The following ADGRB1 variants were observed in gnomAD, a reference collection of about 807,000 sequenced individuals.
ADGRB1 encodes brain-specific angiogenesis inhibitor 1.
In ADGRB1, 36 loss-of-function variants were observed where a neutral mutation model predicts 175.7. The ratio of observed to expected loss-of-function variants is 0.20; its 90% CI spans 0.16 to 0.27. The LOEUF (loss-of-function observed/expected upper bound fraction) is 0.27, where lower values mean the gene tolerates loss of function less well. Among genes scored for constraint, ADGRB1 ranks in the 10% least tolerant of loss-of-function variants. ADGRB1 has a pLI of 1.00. For synonymous variants in ADGRB1, 1,054 were observed against 979.4 expected (o/e 1.08, Z -1.42); for missense variants, 1,731 against 2,255.3 (o/e 0.77, Z 4.71).
At chr8:142,487,768 C>G (rs906628779) in intron 13 of ADGRB1, among the ~76,000 whole-genome samples, 1 of 152,224 alleles carries the variant, frequency 6.6e-6, no homozygotes, top group African/African-American at 2.4e-5. Context: ...GCCCATCCAC[C>G]CTGAGCTCAG....
Position 142,543,323 on chromosome 8 carries a change from T to G in ADGRB1, c.4414-80T>G, listed in dbSNP as rs970645641. The G allele has an allele frequency of 1.0e-5, 16 of 1,567,244 alleles. No individual in the cohort carries two copies. Among genetic ancestry groups the G allele is most frequent in the African/African-American group, 1.4e-5 (1 of 73,884 alleles). ...AGGCATGGGGCGAGTGAGTCCCTGA[T>G]GCCCTCAGTCTGAGGCAGGGAGAGG... On this transcript the variant is annotated intron_variant, in intron 28 of 30. Transcript: ENST00000517894. This position sits in a 1 kb window ranked among gnomAD's most constrained non-coding sequence, Gnocchi z 4.4.
In ADGRB1 at chr8:142,537,613, TC is replaced by T. The variant is rs1468243051; in HGVS notation, c.3666+533del. On this transcript the variant is annotated intron_variant, in intron 26 of 30. Transcript: ENST00000517894. The surrounding 1 kb of genome is among the most constrained non-coding windows in gnomAD (Gnocchi z 4.6). ...GACTCTCCCTTGTGGCCCCTGGCCA[TC>T]CTGCCTTCACCCTCTCTGGGCTCTC... Among the ~76,000 whole-genome samples the T allele has an allele frequency of 2.2e-4, 34 of 151,988 alleles. No homozygotes were observed. Among genetic ancestry groups the T allele is most frequent in the Non-Finnish European group, 2.9e-5 (2 of 67,974 alleles).
At chr8:142,480,649 G>A (rs577908949) in intron 9 of ADGRB1, among the ~76,000 whole-genome samples, 2 of 152,350 alleles carry the variant, frequency 1.3e-5, no homozygotes, top group South Asian at 4.1e-4. Context: ...ATCTAAACCA[G>A]CATCTGCATC....
intron 18 of ADGRB1, among the ~76,000 whole-genome samples, chr8:142,516,644 T>G (rs1321207794): frequency 2.5e-5 from 3 of 119,026 alleles, no homozygotes; most frequent in Non-Finnish European, 5.1e-5. Context: ...GGGTCCCAGG[T>G]GTGTGTGTGT....
At position 142,537,185 on chromosome 8, in the gene ADGRB1, AACCC is replaced by A; in HGVS notation, c.3666+104_3666+107del. 1.1e-6 allele frequency: 1 copy of A among 917,568 alleles called. No homozygotes were observed. Among genetic ancestry groups the A allele is most frequent in the Non-Finnish European group, 1.5e-6 (1 of 653,772 alleles). The allele number at this position is 917,568 out of a possible 1,614,324, so 56.8% of individuals were successfully genotyped here. On this transcript the variant is annotated intron_variant, in intron 26 of 30. Coordinates refer to ENST00000517894, the MANE Select transcript of ADGRB1 (RefSeq NM_001702.3). The surrounding 1 kb of genome is among the most constrained non-coding windows in gnomAD (Gnocchi z 4.6). ...GCCCCAAGCTCCCCTAGGCCCCAGC[AACCC>A]TGCTGAGAGGAGCTCTGAACCCAGT... is the stretch of plus-strand genomic sequence containing the variant.
Position 142,466,270 on chromosome 8 carries a change from G to T in ADGRB1, c.784+1288G>T, listed in dbSNP as rs148924215. 4.2e-3 allele frequency among the ~76,000 whole-genome samples: 642 copies of T among 152,296 alleles called. 8 individuals are homozygous for T. The highest frequency in any genetic ancestry group is 6.9e-3 in the Non-Finnish European group (471 of 68,016). ...ACCCAGGGGCCTTGACTTTTCTGGG[G>T]CCAGTGAAGCCTATGGACTCCTCAG... On this transcript the variant is annotated intron_variant, in intron 2 of 30. Transcript: ENST00000517894.
intron 17 of ADGRB1, among the ~76,000 whole-genome samples, chr8:142,495,495 C>A (rs1461295218): frequency 6.6e-6 from 1 of 152,164 alleles, no homozygotes; most frequent in Admixed American, 6.5e-5. Context: ...CTATTATCTC[C>A]CAGTTCTGGA....
At chr8:142,461,190 C>T (rs761247122) in intron 1 of ADGRB1, among the ~76,000 whole-genome samples, 3 of 152,224 alleles carry the variant, frequency 2.0e-5, no homozygotes, top group Non-Finnish European at 4.4e-5. Context: ...ACCCGCAGGC[C>T]TGAGCTGCAT....
Position 142,493,624 on chromosome 8 carries a change from G to C in ADGRB1, c.2675+2809G>C, listed in dbSNP as rs117945916. On this transcript the variant is annotated intron_variant, in intron 17 of 30. Transcript: ENST00000517894. This position sits in a 1 kb window ranked among gnomAD's most constrained non-coding sequence, Gnocchi z 5.0. ...TGCCCAAGTTGCCTCTTGGGTCCTT[G>C]ACCCTGCCCGGCAGCCAGGCCACGC... Among the ~76,000 whole-genome samples the C allele has an allele frequency of 4.3e-3, 654 of 152,352 alleles. 2 individuals carry two copies. Among genetic ancestry groups the C allele is most frequent in the Non-Finnish European group, 5.4e-3 (364 of 68,034 alleles).
At chr8:142,535,660 A>ATGAGGCTGGGGCCTCCTGGGC (rs1364043776) in intron 25 of ADGRB1, among the ~76,000 whole-genome samples, 4 of 152,270 alleles carry the variant, frequency 2.6e-5, no homozygotes, top group South Asian at 2.1e-4. Context: ...TCGTCTGCCC[A>ATGAGGCTGGGGCCTCCTGGGC]TGAGGCTGGG....
At chr8:142,528,989 G>T (rs1023366681) in intron 24 of ADGRB1, among the ~76,000 whole-genome samples, 3 of 152,242 alleles carry the variant, frequency 2.0e-5, no homozygotes, top group Admixed American at 2.0e-4. Context: ...GCAAGCTGTG[G>T]TTTCTTGCTT....
intron 2 of ADGRB1, among the ~76,000 whole-genome samples, chr8:142,471,957 T>C (rs1840691931): frequency 6.6e-6 from 1 of 152,214 alleles, no homozygotes; most frequent in African/African-American, 2.4e-5. Context: ...GAGCCTGGGC[T>C]GGAGGTGGGG....
intron 1 of ADGRB1, among the ~76,000 whole-genome samples, chr8:142,460,588 C>A (rs1221063207): frequency 4.6e-5 from 7 of 152,300 alleles, no homozygotes; most frequent in Middle Eastern, 3.4e-3. Context: ...AACCCCAGGG[C>A]TTCAAGGTTT....
rs1184781222 is a variant in ADGRB1 at position 142,475,569 on chromosome 8, G to A, written c.880G>A (p.Val294Met). The A allele has an allele frequency of 1.6e-6, 2 of 1,269,274 alleles. No homozygotes were observed. The highest frequency in any genetic ancestry group is 1.5e-5 in the African/African-American group (1 of 65,890). The allele number at this position is 1,269,274 out of a possible 1,614,324, so 78.6% of individuals were successfully genotyped here. A position where few individuals can be genotyped will look rare whatever the true frequency, so the allele number is the denominator to read the frequency against. The change falls in exon 3 of 31, where the codon GTG becomes ATG. Residue 294 changes from valine (V) to methionine (M), a missense_variant. Physicochemically the swap from Val to Met is conservative, Grantham distance 21. This residue lies in a region of ADGRB1 where 178 missense variants were observed against 227.8 expected (regional missense o/e 0.78). Transcript: ENST00000517894. ...RTRTCLPAPG[V>M]EGGGCEGVLE... is the part of the protein sequence containing the mutation. Reference sequence around the variant, plus strand: ...GCGCACCTGCCTGCCCGCGCCGGGCGTGGAGGGCGGCGGCTGCGAGGGGGT... The same window carrying A: ...GCGCACCTGCCTGCCCGCGCCGGGCATGGAGGGCGGCGGCTGCGAGGGGGT...
At chr8:142,521,434 G>C (rs984879563) in intron 20 of ADGRB1, among the ~76,000 whole-genome samples, 1 of 152,206 alleles carries the variant, frequency 6.6e-6, no homozygotes, top group Non-Finnish European at 1.5e-5. Context: ...TGTGGCAGGT[G>C]CAGCCTTTGG....
At chr8:142,483,173 C>T (rs1210659909) in intron 11 of ADGRB1, among the ~76,000 whole-genome samples, 1 of 137,862 alleles carries the variant, frequency 7.3e-6, no homozygotes, top group African/African-American at 2.8e-5. Flanking sequence ...GAGCCCTGAC[C>T]CTGGTCACAC....
intron 25 of ADGRB1, among the ~76,000 whole-genome samples, chr8:142,535,543 C>T (rs1330016824): frequency 6.6e-6 from 1 of 152,176 alleles, no homozygotes; most frequent in East Asian, 1.9e-4. Flanking sequence ...GGGTGGTGGC[C>T]AGGGCTGCAG....
chr8:142,478,594 G>A (rs1841134467), intron 7 of ADGRB1, among the ~76,000 whole-genome samples: 1 of 150,132 alleles, frequency 6.7e-6, no homozygotes, highest in Non-Finnish European at 1.5e-5. Context: ...AGTGGGGCAT[G>A]GGGTGGCCAT....
intron 21 of ADGRB1, among the ~76,000 whole-genome samples, 182 bp from the exon 22 acceptor site, chr8:142,522,459 G>A (rs28620801): frequency 0.013 from 1,918 of 152,286 alleles, 42 homozygotes; most frequent in African/African-American, 0.043. Flanking sequence ...ACCACCCTGC[G>A]CCCAGCTCCG....
Sources: allele counts gnomAD v4.1 joint callset (sites outside exome capture counted in the v4.1 genomes callset), GRCh38; gene constraint gnomAD v4.1.1; regional missense constraint gnomAD v4.1.1; non-coding constraint Gnocchi (gnomAD v3.1); transcripts MANE v1.5; gene names NCBI Gene and HGNC (gene_info 2026-07-23, HGNC 2026-07-21).